The following PCDHGB2 variants were observed in gnomAD, a reference collection of about 807,000 sequenced individuals.
PCDHGB2 encodes protocadherin gamma subfamily B, 2.
A neutral mutation model predicts 59.3 loss-of-function variants in PCDHGB2; 55 were observed. The ratio of observed to expected loss-of-function variants is 0.93; its 90% CI spans 0.75 to 1.16. The LOEUF (loss-of-function observed/expected upper bound fraction) is 1.16, where lower values mean the gene tolerates loss of function less well. Among genes scored for constraint, PCDHGB2 ranks in the 50% most tolerant of loss-of-function variants. The pLI is 0.00. For missense variants in PCDHGB2, 1,228 were observed against 1,198.5 expected (o/e 1.02, Z -0.36); for synonymous variants, 516 against 512.0 (o/e 1.01, Z -0.11).
intron 1 of PCDHGB2, among the ~76,000 whole-genome samples, chr5:141,363,931 C>G (rs1415592577): frequency 6.6e-6 from 1 of 152,126 alleles, no homozygotes; most frequent in African/African-American, 2.4e-5. Flanking sequence ...GTATTGAGAT[C>G]TAATAATCAT....
At chr5:141,366,698 C>T (rs749393515) in intron 1 of PCDHGB2, 1 of 1,614,236 alleles carries the variant, frequency 6.2e-7, no homozygotes, top group Non-Finnish European at 8.5e-7. Flanking sequence ...GAAAAGCGAG[C>T]CTCTTCTGAT....
At chr5:141,440,382 C>T (rs898655247) in intron 1 of PCDHGB2, 2 of 152,178 alleles carry the variant, frequency 1.3e-5, no homozygotes, top group Non-Finnish European at 2.9e-5. Context: ...AGGAGAATCG[C>T]TTGAACCCGA....
At chr5:141,379,879 G>A (rs1158947637) in intron 1 of PCDHGB2, among the ~76,000 whole-genome samples, 1 of 102,124 alleles carries the variant, frequency 9.8e-6, no homozygotes, top group African/African-American at 3.5e-5. Context: ...TTTATGGTCT[G>A]TGAAAGCCTC....
chr5:141,428,056 C>T (rs2097104330), intron 1 of PCDHGB2: 3 of 1,609,000 alleles, frequency 1.9e-6, no homozygotes, highest in African/African-American at 1.3e-5. Flanking sequence ...AAGGTGGTGG[C>T]GGTGGACGCA....
At chr5:141,426,764 T>C (rs1285434687) in intron 1 of PCDHGB2, 5 of 456,638 alleles carry the variant, frequency 1.1e-5, no homozygotes, top group Non-Finnish European at 2.2e-5. Flanking sequence ...TAGATGCAGA[T>C]GTAGGGCCTC....
intron 1 of PCDHGB2, chr5:141,389,731 G>A: frequency 6.2e-7 from 1 of 1,612,688 alleles, no homozygotes; most frequent in Non-Finnish European, 8.5e-7. Flanking sequence ...GGGCTCTTCA[G>A]CCTGGGGCTG....
chr5:141,455,660 G>A (rs1485792613), intron 1 of PCDHGB2, among the ~76,000 whole-genome samples: 1 of 152,134 alleles, frequency 6.6e-6, no homozygotes, highest in Non-Finnish European at 1.5e-5. Flanking sequence ...CCAGGAACTT[G>A]TGGGGCAAGG....
intron 1 of PCDHGB2, chr5:141,372,479 G>A (rs568230269): frequency 1.9e-6 from 3 of 1,614,020 alleles, no homozygotes; most frequent in African/African-American, 2.7e-5. Flanking sequence ...TAGTAGTGGC[G>A]TTGGCCTTGA....
intron 2 of PCDHGB2, among the ~76,000 whole-genome samples, chr5:141,503,855 TA>T (rs2099832899): frequency 1.3e-5 from 2 of 152,136 alleles, no homozygotes; most frequent in Non-Finnish European, 2.9e-5. Context: ...GGAAAAATTG[TA>T]AAGCAGTTCT....
In PCDHGB2 at chr5:141,360,616, G is replaced by A; in HGVS notation, c.481G>A (p.Asp161Asn). Reference sequence around the variant, plus strand: ...TCCACTTGACCCAGCCCTGGATTCAGATGTTGGTCCTAACTCACTACAAAG... The same window carrying A: ...TCCACTTGACCCAGCCCTGGATTCAAATGTTGGTCCTAACTCACTACAAAG... ...TFPLDPALDS[D>N]VGPNSLQRYH... The change falls in exon 1 of 4, where the codon GAT (aspartate) becomes AAT (asparagine). Residue 161 changes from aspartate (D) to asparagine (N), a missense_variant. Around this residue, in one of 3 missense-constraint regions of PCDHGB2, gnomAD observed 781 missense variants for 721.6 expected, o/e 1.08. Coordinates refer to ENST00000522605, the MANE Select transcript of PCDHGB2 (RefSeq NM_018923.3). The A allele has an allele frequency of 6.2e-7, 1 of 1,614,038 alleles. No individual in the cohort carries two copies. Among genetic ancestry groups the A allele is most frequent in the Non-Finnish European group, 8.5e-7 (1 of 1,179,906 alleles).
At chr5:141,415,767 T>TTTTTTTTTTTTTTTTTTTTTG (rs2095942916) in intron 1 of PCDHGB2, 1 of 1,300,668 alleles carries the variant, frequency 7.7e-7, no homozygotes, top group African/African-American at 1.8e-5. Flanking sequence ...TTTTTTTTTT[T>TTTTTTTTTTTTTTTTTTTTTG]TTTTTACTTT....
rs560582745 is a variant in PCDHGB2 at position 141,399,792 on chromosome 5, A to C, written c.2421+37236A>C. On this transcript the variant is annotated intron_variant, in intron 1 of 3. Transcript: ENST00000522605. ...TGGTGGGCGACCGAAACGACAACGCACCGCGGGTGCTGTACCCCGCGCTGG... is the reference window on the plus strand; with the variant it reads ...TGGTGGGCGACCGAAACGACAACGCCCCGCGGGTGCTGTACCCCGCGCTGG... 8 of 1,613,146 alleles carry C rather than the reference A, an allele frequency of 5.0e-6. No homozygotes were observed. The South Asian group carries it at 8.8e-5, about 18-fold the overall frequency.
At chr5:141,456,873 G>A (rs2098894054) in intron 1 of PCDHGB2, among the ~76,000 whole-genome samples, 1 of 152,152 alleles carries the variant, frequency 6.6e-6, no homozygotes, top group Non-Finnish European at 1.5e-5. Context: ...TGAGGCAGGA[G>A]AATCGCTTGA....
At chr5:141,375,948 A>C in intron 1 of PCDHGB2, 1 of 1,613,556 alleles carries the variant, frequency 6.2e-7, no homozygotes, top group Non-Finnish European at 8.5e-7. Context: ...GTGGGCCTGC[A>C]CACGGGCGAG....
At chr5:141,417,890 G>GCCGGC (rs2096180101) in intron 1 of PCDHGB2, 1 of 1,568,496 alleles carries the variant, frequency 6.4e-7, no homozygotes, top group Non-Finnish European at 8.6e-7. Context: ...GAGGCGCCGG[G>GCCGGC]CCGGCCCGCG....
At chr5:141,409,331 G>A (rs1447189643) in intron 1 of PCDHGB2, 1 of 1,613,818 alleles carries the variant, frequency 6.2e-7, no homozygotes, top group African/African-American at 1.3e-5. Context: ...TCTGGATTTC[G>A]GAGGAAATGG....
Position 141,430,658 on chromosome 5 carries a change from G to A in PCDHGB2, c.2422-64149G>A, listed in dbSNP as rs1350572230. ...CCTGGGAGTATGTGGAAACAACGGA[G>A]GAGCTCTGACTTCCCAACTGTCCCA... On this transcript the variant is annotated intron_variant, in intron 1 of 3. Coordinates refer to ENST00000522605, the MANE Select transcript of PCDHGB2 (RefSeq NM_018923.3). The A allele has an allele frequency of 7.2e-6, 8 of 1,105,688 alleles. No individual in the cohort carries two copies. The African/African-American group carries it at 9.5e-5, about 13-fold the overall frequency. The allele number at this position is 1,105,688 out of a possible 1,614,324, so 68.5% of individuals were successfully genotyped here. A position where few individuals can be genotyped will look rare whatever the true frequency, so the allele number is the denominator to read the frequency against.
rs771398829 is a variant in PCDHGB2, at chr5:141,421,251, G to A, written c.2421+58695G>A. ...CCATGGCGAATCGGCTACAGCGCGG[G>A]GACCGCAGTCGGCTGCTGCTGCTGC... On this transcript the variant is annotated intron_variant, in intron 1 of 3. Transcript: ENST00000522605. 17 of 1,606,770 alleles carry A rather than the reference G, an allele frequency of 1.1e-5. No homozygotes were observed. The East Asian group carries it at 3.1e-4, about 30-fold the overall frequency.
intron 1 of PCDHGB2, among the ~76,000 whole-genome samples, chr5:141,445,953 T>C (rs550111391): frequency 2.0e-4 from 31 of 152,308 alleles, no homozygotes; most frequent in Middle Eastern, 3.4e-3. Flanking sequence ...CTCTGGCTGC[T>C]ATATGGAGAA....
Sources: gnomAD v4.1 joint callset for allele counts (sites outside exome capture counted in the v4.1 genomes callset) on GRCh38, gnomAD v4.1.1 for gene constraint, gnomAD v4.1.1 regional missense constraint, MANE v1.5 for transcripts, NCBI Gene and HGNC (gene_info 2026-07-23, HGNC 2026-07-21) for gene names.